The following SLC35F3 variants were observed in gnomAD, a reference collection of about 807,000 sequenced individuals.
The protein encoded by SLC35F3 is putative thiamine transporter SLC35F3.
In SLC35F3, 25 loss-of-function variants were observed where a neutral mutation model predicts 49.9. The observed-to-expected ratio is 0.50, with a 90% CI of 0.37 to 0.70. The LOEUF (loss-of-function observed/expected upper bound fraction) is 0.70. SLC35F3 is among the 30% of genes least tolerant of loss of function. The pLI is 0.00. For missense variants in SLC35F3, 525 were observed against 639.8 expected, an observed-to-expected ratio of 0.82 and a Z score of 1.94; for synonymous variants, 275 against 265.4, an observed-to-expected ratio of 1.04 and a Z score of -0.35.
intron 2 of SLC35F3, among the ~76,000 whole-genome samples, chr1:234,074,616 A>G (rs1329976828): frequency 6.6e-6 from 1 of 152,182 alleles, no homozygotes; most frequent in Admixed American, 6.5e-5. Context: ...GGTGGAGCTC[A>G]AGCGGAATTT....
chr1:234,036,263 G>A (rs12090223), intron 2 of SLC35F3, among the ~76,000 whole-genome samples: 2,872 of 152,186 alleles, frequency 0.019, 97 homozygotes, highest in African/African-American at 0.066. Flanking sequence ...ACAGGATCTC[G>A]TGATATTGCC....
chr1:234,083,980 G>A (rs1387070872), intron 2 of SLC35F3, among the ~76,000 whole-genome samples: 1 of 151,894 alleles, frequency 6.6e-6, no homozygotes, highest in Admixed American at 6.6e-5. Context: ...TGGGATTACA[G>A]GCATATGTCA....
chr1:234,302,394 T>G (rs1668706624), intron 3 of SLC35F3, among the ~76,000 whole-genome samples: 1 of 152,096 alleles, frequency 6.6e-6, no homozygotes, highest in South Asian at 2.1e-4. Flanking sequence ...TCATTCACAG[T>G]TGGTCCAGGG....
intron 2 of SLC35F3, among the ~76,000 whole-genome samples, chr1:234,176,339 G>C (rs919258331): frequency 6.6e-6 from 1 of 152,166 alleles, no homozygotes; most frequent in Admixed American, 6.5e-5. Flanking sequence ...CAAAGAGAAA[G>C]CTGCTCCATC....
intron 3 of SLC35F3, among the ~76,000 whole-genome samples, chr1:234,291,413 A>G (rs574639778): frequency 1.3e-5 from 2 of 152,290 alleles, no homozygotes; most frequent in South Asian, 4.2e-4. Context: ...GAGTAGAGCC[A>G]GAGGAGGAAC....
intron 2 of SLC35F3, among the ~76,000 whole-genome samples, chr1:234,085,631 G>A (rs1412492469): frequency 6.6e-6 from 1 of 152,124 alleles, no homozygotes; most frequent in African/African-American, 2.4e-5. Context: ...TTATTTGGGG[G>A]ATATAAAGGT....
chr1:234,130,319 T>G (rs12098001), intron 2 of SLC35F3, among the ~76,000 whole-genome samples: 1 of 151,840 alleles, frequency 6.6e-6, no homozygotes, highest in Non-Finnish European at 1.5e-5. Context: ...TTTATACCAC[T>G]ACACACCCAC....
At chr1:234,253,123 C>T (rs914479380) in intron 3 of SLC35F3, among the ~76,000 whole-genome samples, 6 of 152,042 alleles carry the variant, frequency 3.9e-5, no homozygotes, top group African/African-American at 9.7e-5. Flanking sequence ...GTCAGGAGTT[C>T]GAGACCAGCC....
chr1:234,031,069 G>A (rs1664055242), intron 2 of SLC35F3, among the ~76,000 whole-genome samples: 1 of 152,190 alleles, frequency 6.6e-6, no homozygotes, highest in Non-Finnish European at 1.5e-5. Flanking sequence ...ACTTATAGAA[G>A]AGTTTGCTGG....
chr1:233,966,451 C>G (rs1662907886), intron 2 of SLC35F3, among the ~76,000 whole-genome samples: 1 of 151,992 alleles, frequency 6.6e-6, no homozygotes, highest in African/African-American at 2.4e-5. Context: ...ACAGGAACAC[C>G]CCAGTCAGAC....
intron 2 of SLC35F3, among the ~76,000 whole-genome samples, chr1:234,207,958 G>A (rs1666998137): frequency 6.6e-6 from 1 of 152,186 alleles, no homozygotes; most frequent in South Asian, 2.1e-4. Flanking sequence ...GCAGTGAGCT[G>A]TGATCACATC....
rs146103937 is a variant in SLC35F3 at position 234,180,858 on chromosome 1, A to C, written c.284-50559A>C. 5.5e-3 allele frequency among the ~76,000 whole-genome samples: 843 copies of C among 152,334 alleles called. 3 individuals carry two copies. Among genetic ancestry groups the C allele is most frequent in the Middle Eastern group, 0.017 (5 of 294 alleles). The stretch of plus-strand genomic sequence containing the variant: ...TTAGCTTTTTATTATCAAAAATTCA[A>C]CATTTACAAAGTGGAAATCGTACAA... On this transcript the variant is annotated intron_variant, in intron 2 of 7. Coordinates refer to ENST00000366618, the MANE Select transcript of SLC35F3 (RefSeq NM_173508.4).
At chr1:234,257,385 G>GT (rs1233141471) in intron 3 of SLC35F3, among the ~76,000 whole-genome samples, 5 of 152,002 alleles carry the variant, frequency 3.3e-5, no homozygotes, top group Non-Finnish European at 5.9e-5. Flanking sequence ...TTGGTCAGTG[G>GT]TTTTTTTGTA....
At chr1:233,963,750 A>G (rs1471123271) in intron 2 of SLC35F3, among the ~76,000 whole-genome samples, 4 of 152,158 alleles carry the variant, frequency 2.6e-5, no homozygotes, top group Non-Finnish European at 5.9e-5. Flanking sequence ...GTCATGTTTC[A>G]TCTTACACTG....
chr1:233,906,954 A>G (rs12758694), intron 2 of SLC35F3, among the ~76,000 whole-genome samples: 1,716 of 152,280 alleles, frequency 0.011, 20 homozygotes, highest in Non-Finnish European at 0.014. Context: ...AATTGTCTGT[A>G]TCTCTTCCAA....
At chr1:234,069,114 TA>T (rs1353756347) in intron 2 of SLC35F3, among the ~76,000 whole-genome samples, 2 of 128,660 alleles carry the variant, frequency 1.6e-5, no homozygotes, top group African/African-American at 2.9e-5. Context: ...ATATATTGTA[TA>T]TTTTTGTATA....
intron 3 of SLC35F3, among the ~76,000 whole-genome samples, chr1:234,273,626 A>G (rs111566809): frequency 0.06 from 9,201 of 152,306 alleles, 333 homozygotes; most frequent in African/African-American, 0.099. Flanking sequence ...GGTCAGGTGA[A>G]GGCTGGATGG....
rs113021417 is a variant in SLC35F3, at chr1:233,950,865, A to G, written c.283+45107A>G. ...TTTGTTGGTTTTTTTTCCCCCTGCA[A>G]TATCCCTGCAATATCCCCAGTGTCT... On this transcript the variant is annotated intron_variant, in intron 2 of 7. Transcript: ENST00000366618. Among the ~76,000 whole-genome samples, 791 of 152,058 alleles carry G rather than the reference A, an allele frequency of 5.2e-3. 12 individuals are homozygous for G. The highest frequency in any genetic ancestry group is 0.018 in the African/African-American group (727 of 41,474).
chr1:233,969,454 T>A (rs1662957441), intron 2 of SLC35F3, among the ~76,000 whole-genome samples: 1 of 152,160 alleles, frequency 6.6e-6, no homozygotes, highest in South Asian at 2.1e-4. Context: ...TCCTTTCTTC[T>A]CTCTGGTGCC....
Sources: allele counts gnomAD v4.1 joint callset (sites outside exome capture counted in the v4.1 genomes callset), GRCh38; gene constraint gnomAD v4.1.1; transcripts MANE v1.5; gene names NCBI Gene and HGNC (gene_info 2026-07-23, HGNC 2026-07-21).